Variants in FOXN3 observed in about 807,000 individuals in gnomAD.
FOXN3 encodes the protein forkhead box N3, also known as forkhead box protein N3.
Under a neutral mutation model 38.4 loss-of-function variants are expected in FOXN3, and 7 were observed. That is an observed-to-expected ratio of 0.18 (90% confidence interval 0.10 to 0.34). FOXN3 has a LOEUF of 0.34. FOXN3 is among the 10% of genes least tolerant of loss of function. The probability of loss-of-function intolerance (pLI) is 1.00; values close to 1 mark genes in which losing one functional copy is unlikely to be tolerated. For missense variants in FOXN3, 456 were observed against 613.4 expected, an observed-to-expected ratio of 0.74 and a Z score of 2.71; for synonymous variants, 230 against 242.2, an observed-to-expected ratio of 0.95 and a Z score of 0.47.
chr14:89,325,330 A>G (rs1432382902), intron 3 of FOXN3, among the ~76,000 whole-genome samples: 1 of 123,442 alleles, frequency 8.1e-6, no homozygotes, highest in African/African-American at 3.7e-5. Flanking sequence ...CACCACCACC[A>G]CCACCACCAC....
At chr14:89,293,173 A>C (rs1886929209) in intron 3 of FOXN3, among the ~76,000 whole-genome samples, 1 of 152,180 alleles carries the variant, frequency 6.6e-6, no homozygotes, top group South Asian at 2.1e-4. Flanking sequence ...GGGTATCTCC[A>C]GCGGGCTCTG....
chr14:89,322,939 A>G (rs1887936210), intron 3 of FOXN3, among the ~76,000 whole-genome samples: 1 of 152,202 alleles, frequency 6.6e-6, no homozygotes, highest in Non-Finnish European at 1.5e-5. Flanking sequence ...ACAAATACAT[A>G]ATGTGCAAGT....
chr14:89,363,508 C>A (rs1889961159), intron 2 of FOXN3, among the ~76,000 whole-genome samples: 1 of 49,198 alleles, frequency 2.0e-5, no homozygotes, highest in Non-Finnish European at 4.4e-5. Context: ...TGCTGTGTTA[C>A]TGGATGGACA....
At chr14:89,288,692 C>T (rs1369758916) in intron 3 of FOXN3, among the ~76,000 whole-genome samples, 3 of 104,710 alleles carry the variant, frequency 2.9e-5, no homozygotes, top group Non-Finnish European at 5.2e-5. Context: ...CTCTCTCTCT[C>T]TCTCTCTCTC....
At chr14:89,374,303 G>A (rs1468808658) in intron 2 of FOXN3, among the ~76,000 whole-genome samples, 9 of 131,210 alleles carry the variant, frequency 6.9e-5, no homozygotes, top group South Asian at 2.6e-4. Context: ...AGGAAGGAAA[G>A]GAAAAGAAAA....
At chr14:89,379,672 T>A (rs1303302049) in intron 2 of FOXN3, among the ~76,000 whole-genome samples, 1 of 152,170 alleles carries the variant, frequency 6.6e-6, no homozygotes, top group Non-Finnish European at 1.5e-5. Context: ...ATTATTGAGA[T>A]GAGTTTCGCT....
rs541828405 is a variant in FOXN3 at position 89,455,260 on chromosome 14, T to C, written c.-14-42770A>G. Reference sequence around the variant, plus strand: ...CTGGAGGACAGACAAGGGCCTGAAGTTGGGAAACAAAGGGAAAAGGAAAAT... The same window carrying C: ...CTGGAGGACAGACAAGGGCCTGAAGCTGGGAAACAAAGGGAAAAGGAAAAT... On this transcript the variant is annotated intron_variant, in intron 1 of 6. Transcript: ENST00000345097. Among the ~76,000 whole-genome samples the C allele has an allele frequency of 1.4e-4, 21 of 152,128 alleles. No individual in the cohort carries two copies. In the South Asian group the frequency reaches 3.7e-3, roughly 27 times the overall value.
chr14:89,177,603 G>A (rs1251449967), intron 5 of FOXN3, among the ~76,000 whole-genome samples: 7 of 152,138 alleles, frequency 4.6e-5, no homozygotes, highest in Admixed American at 1.3e-4. Flanking sequence ...GTGAGGCTCC[G>A]CCACCAGGGG....
intron 3 of FOXN3, among the ~76,000 whole-genome samples, chr14:89,328,378 A>C (rs1281909330): frequency 6.6e-6 from 1 of 152,234 alleles, no homozygotes; most frequent in Non-Finnish European, 1.5e-5. Context: ...CATTCCCACC[A>C]GCAGCCCTGG....
At chr14:89,587,289 A>C (rs1895859506) in intron 1 of FOXN3, among the ~76,000 whole-genome samples, 1 of 152,210 alleles carries the variant, frequency 6.6e-6, no homozygotes, top group South Asian at 2.1e-4. Flanking sequence ...TCTTCTAGAA[A>C]ATCCCTTCAC....
intron 4 of FOXN3, among the ~76,000 whole-genome samples, chr14:89,199,377 A>G (rs998937609): frequency 3.3e-5 from 5 of 152,196 alleles, no homozygotes; most frequent in Non-Finnish European, 7.3e-5. Context: ...GATTTTACGC[A>G]TCATCTTTAG....
chr14:89,479,003 G>A (rs1378575374), intron 1 of FOXN3, among the ~76,000 whole-genome samples: 3 of 149,718 alleles, frequency 2.0e-5, no homozygotes, highest in Admixed American at 6.7e-5. Context: ...TTACAGATGG[G>A]GAAATGGAGG....
At chr14:89,298,469 AT>A (rs1300310557) in intron 3 of FOXN3, among the ~76,000 whole-genome samples, 4 of 111,428 alleles carry the variant, frequency 3.6e-5, no homozygotes, top group Non-Finnish European at 5.7e-5. Context: ...GACTCCGTCT[AT>A]TTAAAAAAAA....
intron 1 of FOXN3, among the ~76,000 whole-genome samples, chr14:89,594,464 T>C (rs144186895): frequency 1.7e-3 from 266 of 152,342 alleles, no homozygotes; most frequent in African/African-American, 6.1e-3. Context: ...TGAAGACTTA[T>C]GAAGTTGAAC....
chr14:89,182,856 T>C (rs1311020977), intron 4 of FOXN3, among the ~76,000 whole-genome samples: 1 of 152,118 alleles, frequency 6.6e-6, no homozygotes, highest in African/African-American at 2.4e-5. Context: ...ACAAGGGTAC[T>C]GAGATAATGC....
At chr14:89,600,979 A>G (rs570923540) in intron 1 of FOXN3, among the ~76,000 whole-genome samples, 74 of 152,228 alleles carry the variant, frequency 4.9e-4, no homozygotes, top group Non-Finnish European at 1.0e-3. Flanking sequence ...AGCAAACAAC[A>G]TAATAAGTAA....
At chr14:89,395,529 T>C (rs896189279) in intron 2 of FOXN3, among the ~76,000 whole-genome samples, 4 of 152,132 alleles carry the variant, frequency 2.6e-5, no homozygotes, top group African/African-American at 9.7e-5. Flanking sequence ...ATGCCTGACA[T>C]ACACGAAGGT....
At chr14:89,227,894 A>G (rs1266858180) in intron 4 of FOXN3, among the ~76,000 whole-genome samples, 3 of 152,230 alleles carry the variant, frequency 2.0e-5, no homozygotes, top group African/African-American at 7.2e-5. Flanking sequence ...AATTCGGCCA[A>G]CAACCTTATG....
chr14:89,601,523 G>A (rs1896152529), intron 1 of FOXN3, among the ~76,000 whole-genome samples: 1 of 152,126 alleles, frequency 6.6e-6, no homozygotes, highest in South Asian at 2.1e-4. Flanking sequence ...ATAAAAATGA[G>A]GCATTGAAAA....
Sources: allele counts gnomAD v4.1 joint callset (sites outside exome capture counted in the v4.1 genomes callset), GRCh38; gene constraint gnomAD v4.1.1; transcripts MANE v1.5; gene names NCBI Gene and HGNC (gene_info 2026-07-23, HGNC 2026-07-21).